The following MSI2 variants were observed in gnomAD, a reference collection of about 807,000 sequenced individuals.
MSI2 encodes musashi RNA binding protein 2.
Under a neutral mutation model 45.6 loss-of-function variants are expected in MSI2, and 17 were observed. The ratio of observed to expected loss-of-function variants is 0.37; its 90% CI spans 0.26 to 0.56. MSI2 has a LOEUF of 0.56. Ranked by LOEUF, MSI2 falls within the 20% of genes least tolerant of loss-of-function variation. The probability of loss-of-function intolerance (pLI) is 0.77; values close to 1 mark genes in which losing one functional copy is unlikely to be tolerated. For missense variants in MSI2, 293 were observed against 444.2 expected, an observed-to-expected ratio of 0.66 and a Z score of 3.06; for synonymous variants, 156 against 158.2, an observed-to-expected ratio of 0.99 and a Z score of 0.11.
At chr17:57,327,651 G>A (rs1913914735) in intron 5 of MSI2, among the ~76,000 whole-genome samples, 1 of 152,188 alleles carries the variant, frequency 6.6e-6, no homozygotes, top group Non-Finnish European at 1.5e-5. Flanking sequence ...GACAAAACAG[G>A]ATTGATTGTG....
At chr17:57,490,987 G>A (rs1598328024) in intron 6 of MSI2, among the ~76,000 whole-genome samples, 1 of 152,196 alleles carries the variant, frequency 6.6e-6, no homozygotes, top group Non-Finnish European at 1.5e-5. Context: ...CACGCTGGCG[G>A]TTTCTGCCAA....
intron 10 of MSI2, chr17:57,631,178 C>A (rs1170022882): frequency 6.6e-6 from 1 of 152,446 alleles, no homozygotes; most frequent in East Asian, 1.9e-4. Flanking sequence ...TTCTGAGTCC[C>A]CCTAGCAGGG....
In MSI2 at chr17:57,513,077, G is replaced by A. The variant is rs986005900; in HGVS notation, c.406-16599G>A. Among the ~76,000 whole-genome samples, 7 of 149,338 alleles carry A rather than the reference G, an allele frequency of 4.7e-5. No homozygotes were observed. The East Asian group carries it at 6.0e-4, about 13-fold the overall frequency. ...CAACCTCCACCTCCCGGGTTCAAGC[G>A]ATTCTCCTACCTAAGCCTCCTGAGT... is the stretch of plus-strand genomic sequence containing the variant. On this transcript the variant is annotated intron_variant, in intron 6 of 13. Coordinates refer to ENST00000284073, the MANE Select transcript of MSI2 (RefSeq NM_138962.4).
At chr17:57,352,222 T>C (rs778153173) in intron 5 of MSI2, among the ~76,000 whole-genome samples, 2 of 152,222 alleles carry the variant, frequency 1.3e-5, no homozygotes, top group African/African-American at 2.4e-5. Context: ...GTTTCTTCTT[T>C]AGTGGTCTAC....
intron 6 of MSI2, among the ~76,000 whole-genome samples, chr17:57,450,851 G>A (rs1333914277): frequency 1.3e-5 from 2 of 151,834 alleles, no homozygotes; most frequent in African/African-American, 4.8e-5. Flanking sequence ...ATATAGTCTT[G>A]TTTTCTCAGG....
chr17:57,671,759 G>T (rs1388134417), intron 11 of MSI2, among the ~76,000 whole-genome samples: 1 of 152,230 alleles, frequency 6.6e-6, no homozygotes, highest in East Asian at 1.9e-4. Context: ...CCCACTGTCA[G>T]ACAGCAGGAA....
intron 6 of MSI2, among the ~76,000 whole-genome samples, chr17:57,425,714 T>C (rs1335633511): frequency 1.3e-5 from 2 of 152,256 alleles, no homozygotes; most frequent in African/African-American, 4.8e-5. Context: ...GGACCGCCCT[T>C]GTGCATGCAT....
intron 5 of MSI2, among the ~76,000 whole-genome samples, chr17:57,367,465 G>A (rs1311054928): frequency 6.6e-6 from 1 of 152,150 alleles, no homozygotes; most frequent in Non-Finnish European, 1.5e-5. Flanking sequence ...TGATGTTGTT[G>A]TCTTGGCTGA....
At chr17:57,672,869 G>T (rs1282657882) in intron 11 of MSI2, among the ~76,000 whole-genome samples, 1 of 152,074 alleles carries the variant, frequency 6.6e-6, no homozygotes, top group African/African-American at 2.4e-5. Flanking sequence ...TGAGTGAGAG[G>T]GCCAAGTGTT....
rs547948833 is a variant in MSI2, at chr17:57,547,700, G to A, written c.454+17976G>A. Among the ~76,000 whole-genome samples, 3 of 144,038 alleles carry A rather than the reference G, an allele frequency of 2.1e-5. No individual in the cohort carries two copies. The South Asian group carries it at 6.9e-4, about 33-fold the overall frequency. 94.5% of individuals were successfully genotyped at this position (144,038 alleles called of 152,430 possible). A position where few individuals can be genotyped will look rare whatever the true frequency, so the allele number is the denominator to read the frequency against. ...GTTGTTCTGTTTGAAATTCCCATTG[G>A]GATCCATTTGGTGATGTTTAGTAGT... is the stretch of plus-strand genomic sequence containing the variant. On this transcript the variant is annotated intron_variant, in intron 7 of 13. Coordinates refer to ENST00000284073, the MANE Select transcript of MSI2 (RefSeq NM_138962.4).
At chr17:57,385,084 G>A (rs1291721272) in intron 5 of MSI2, among the ~76,000 whole-genome samples, 1 of 151,974 alleles carries the variant, frequency 6.6e-6, no homozygotes, top group Non-Finnish European at 1.5e-5. Context: ...TTAGTTCAGG[G>A]TCCCTTCATC....
chr17:57,568,645 G>C (rs1365288065), intron 7 of MSI2, among the ~76,000 whole-genome samples: 1 of 152,170 alleles, frequency 6.6e-6, no homozygotes, highest in Non-Finnish European at 1.5e-5. Flanking sequence ...TCTTTTTCCT[G>C]ATAGAGGCCT....
At chr17:57,484,947 G>C (rs1177081410) in intron 6 of MSI2, among the ~76,000 whole-genome samples, 1 of 152,120 alleles carries the variant, frequency 6.6e-6, no homozygotes, top group Non-Finnish European at 1.5e-5. Flanking sequence ...ACTCCCCTGG[G>C]TTTTATCTGT....
At chr17:57,545,775 A>G (rs73991897) in intron 7 of MSI2, among the ~76,000 whole-genome samples, 1,676 of 152,218 alleles carry the variant, frequency 0.011, 34 homozygotes, top group African/African-American at 0.039. Context: ...TGGAGAACAT[A>G]AGTCTGAATG....
chr17:57,458,579 A>G (rs1404809454), intron 6 of MSI2, among the ~76,000 whole-genome samples: 1 of 152,174 alleles, frequency 6.6e-6, no homozygotes, highest in Non-Finnish European at 1.5e-5. Context: ...AGGAGCACAA[A>G]GTCTCTGACT....
At chr17:57,387,071 C>T (rs1053642132) in intron 5 of MSI2, among the ~76,000 whole-genome samples, 58 of 152,314 alleles carry the variant, frequency 3.8e-4, no homozygotes, top group Non-Finnish European at 7.8e-4. Context: ...CTCCATGTTC[C>T]GGCTGACAGC....
chr17:57,286,086 C>G, intron 5 of MSI2: 4 of 1,026,542 alleles, frequency 3.9e-6, no homozygotes, highest in Non-Finnish European at 5.3e-6. Context: ...CTTCTTTCTT[C>G]TTTATTTTTT....
chr17:57,379,601 C>T (rs981527827), intron 5 of MSI2, among the ~76,000 whole-genome samples: 2 of 151,776 alleles, frequency 1.3e-5, no homozygotes, highest in African/African-American at 2.4e-5. Context: ...AGTTACTTCT[C>T]GGATTGGCTT....
At chr17:57,408,341 A>C (rs2143162881) in intron 6 of MSI2, among the ~76,000 whole-genome samples, 1 of 152,366 alleles carries the variant, frequency 6.6e-6, no homozygotes, top group Middle Eastern at 3.4e-3. Context: ...TACAAATAGA[A>C]AACTAGGATG....
Sources: allele counts gnomAD v4.1 joint callset (sites outside exome capture counted in the v4.1 genomes callset), GRCh38; gene constraint gnomAD v4.1.1; transcripts MANE v1.5; gene names NCBI Gene and HGNC (gene_info 2026-07-23, HGNC 2026-07-21).